The following CNTN4 variants were observed in gnomAD, a reference collection of about 807,000 sequenced individuals.
The protein encoded by CNTN4 is contactin-4.
In CNTN4, 77 loss-of-function variants were observed where a neutral mutation model predicts 122.5. The ratio of observed to expected loss-of-function variants is 0.63; its 90% confidence interval spans 0.52 to 0.76. The LOEUF is 0.76. CNTN4 is among the 30% of genes least tolerant of loss of function. The pLI, the probability that CNTN4 is intolerant of heterozygous loss-of-function variation, is 0.00. For missense variants in CNTN4, 1,256 were observed against 1,259.1 expected (o/e 1.00, Z 0.04); for synonymous variants, 512 against 447.0 (o/e 1.15, Z -1.83).
chr3:2,362,699 C>T (rs866274815), intron 3 of CNTN4: 12 of 348,468 alleles, frequency 3.4e-5, no homozygotes, highest in Admixed American at 3.1e-4. Context: ...ATGACCTGCA[C>T]ATTCACTTAC....
At chr3:2,398,915 C>T (rs979550646) in intron 3 of CNTN4, among the ~76,000 whole-genome samples, 2 of 152,084 alleles carry the variant, frequency 1.3e-5, no homozygotes, top group Non-Finnish European at 2.9e-5. Context: ...TATGGAGGCT[C>T]AGGCGTTTCC....
In CNTN4 at chr3:2,133,527, A is replaced by G. The variant is rs139292035; in HGVS notation, c.-145+32888A>G. Among the ~76,000 whole-genome samples the G allele has an allele frequency of 4.2e-3, 634 of 152,322 alleles. 2 individuals are homozygous for G. Among genetic ancestry groups the G allele is most frequent in the African/African-American group, 0.015 (604 of 41,578 alleles). The stretch of plus-strand genomic sequence containing the variant: ...CAAAAGAGTATAGTTCAAAGTTTCT[A>G]CAAAGCTTTTTGAAAGCTTTTCTTT... On this transcript the variant is annotated intron_variant, in intron 2 of 24. Transcript: ENST00000418658.
At chr3:2,399,338 A>G (rs1470024764) in intron 3 of CNTN4, among the ~76,000 whole-genome samples, 1 of 152,022 alleles carries the variant, frequency 6.6e-6, no homozygotes, top group Non-Finnish European at 1.5e-5. Flanking sequence ...AGTTTGAGCC[A>G]TTGTAACTTC....
chr3:3,033,058 G>A (rs531640870), intron 16 of CNTN4, among the ~76,000 whole-genome samples: 2 of 151,964 alleles, frequency 1.3e-5, no homozygotes, highest in African/African-American at 2.4e-5. Context: ...ATTTCCTATC[G>A]ATTTAATTCT....
chr3:2,636,924 G>GTTTTTTTTTTTTTTTTTTTTTTT (rs57301957), intron 4 of CNTN4, among the ~76,000 whole-genome samples: 1 of 98,576 alleles, frequency 1.0e-5, no homozygotes, highest in African/African-American at 3.8e-5. Flanking sequence ...TTCTTTCTTT[G>GTTTTTTTTTTTTTTTTTTTTTTT]TTTTTTTTTT....
intron 2 of CNTN4, among the ~76,000 whole-genome samples, chr3:2,191,286 G>C (rs999461009): frequency 6.7e-6 from 1 of 150,254 alleles, no homozygotes; most frequent in Non-Finnish European, 1.5e-5. Context: ...CCCAGACATA[G>C]AACTCAACTA....
intron 3 of CNTN4, among the ~76,000 whole-genome samples, chr3:2,566,340 C>G (rs2149459576): frequency 6.6e-6 from 1 of 152,316 alleles, no homozygotes. Flanking sequence ...GTTTCATAGC[C>G]TCTCATATTC....
intron 3 of CNTN4, among the ~76,000 whole-genome samples, chr3:2,356,692 T>A (rs949532888): frequency 2.0e-5 from 3 of 152,296 alleles, no homozygotes; most frequent in Admixed American, 1.3e-4. Flanking sequence ...GCCCAGTAGA[T>A]CTTAGCCTTA....
chr3:3,031,542 T>C (rs542419546), intron 16 of CNTN4, among the ~76,000 whole-genome samples: 3 of 152,042 alleles, frequency 2.0e-5, no homozygotes, highest in African/African-American at 7.2e-5. Flanking sequence ...TGAGATTCTC[T>C]TGAATATTAT....
At chr3:2,838,927 G>C (rs1158720858) in intron 7 of CNTN4, among the ~76,000 whole-genome samples, 2 of 152,162 alleles carry the variant, frequency 1.3e-5, no homozygotes. Flanking sequence ...CCAGAGAAAA[G>C]ACATCTGGCA....
chr3:2,223,049 G>A (rs779538733), intron 2 of CNTN4, among the ~76,000 whole-genome samples: 59 of 152,244 alleles, frequency 3.9e-4, no homozygotes, highest in Non-Finnish European at 6.3e-4. Flanking sequence ...CTTTGGATGC[G>A]AATTTTGGCT....
At position 2,647,710 on chromosome 3, in the gene CNTN4, A is replaced by G. The variant is rs116691061; in HGVS notation, c.55+76152A>G. On this transcript the variant is annotated intron_variant, in intron 4 of 24. Transcript: ENST00000418658. ...TTTACTTATCTGTAAAAGGGGACAT[A>G]TTTCCTCACAAACAGATGCAAACTA... 2.8e-3 allele frequency among the ~76,000 whole-genome samples: 423 copies of G among 152,268 alleles called. 1 individual carries two copies. Among genetic ancestry groups the G allele is most frequent in the African/African-American group, 9.6e-3 (400 of 41,546 alleles).
intron 3 of CNTN4, among the ~76,000 whole-genome samples, chr3:2,427,798 G>A (rs1444824687): frequency 6.6e-6 from 1 of 151,976 alleles, no homozygotes; most frequent in East Asian, 1.9e-4. Flanking sequence ...AGCTCTTCTT[G>A]TTGAATTGAT....
intron 2 of CNTN4, among the ~76,000 whole-genome samples, chr3:2,106,471 C>T (rs753434453): frequency 6.6e-6 from 1 of 152,214 alleles, no homozygotes; most frequent in African/African-American, 2.4e-5. Context: ...ACCCACAGGA[C>T]GAACACCATG....
chr3:2,593,600 A>G (rs760093135), intron 4 of CNTN4, among the ~76,000 whole-genome samples: 1 of 152,208 alleles, frequency 6.6e-6, no homozygotes, highest in African/African-American at 2.4e-5. Flanking sequence ...ATAGAAAGGA[A>G]TAAGTCATAT....
intron 2 of CNTN4, among the ~76,000 whole-genome samples, chr3:2,170,391 T>A (rs2036448798): frequency 6.6e-6 from 1 of 151,892 alleles, no homozygotes; most frequent in Non-Finnish European, 1.5e-5. Flanking sequence ...ACAAAAAAAT[T>A]AGAAGTAAAC....
At chr3:2,690,964 C>G (rs1423357819) in intron 4 of CNTN4, among the ~76,000 whole-genome samples, 1 of 152,094 alleles carries the variant, frequency 6.6e-6, no homozygotes, top group Non-Finnish European at 1.5e-5. Context: ...AGAAAGAGCC[C>G]GTCAATGCCC....
chr3:2,574,178 T>A (rs991902213), intron 4 of CNTN4, among the ~76,000 whole-genome samples: 1 of 152,176 alleles, frequency 6.6e-6, no homozygotes, highest in South Asian at 2.1e-4. Context: ...ATCACGCCAC[T>A]GCACTCCAGC....
intron 18 of CNTN4, 22 bp downstream of exon 18, chr3:3,037,350 G>C: frequency 1.2e-6 from 2 of 1,614,100 alleles, no homozygotes; most frequent in Non-Finnish European, 1.7e-6. Flanking sequence ...CCGAGATTCA[G>C]ATCATCTGTT....
Sources: gnomAD v4.1 joint callset for allele counts (sites outside exome capture counted in the v4.1 genomes callset) on GRCh38, gnomAD v4.1.1 for gene constraint, MANE v1.5 for transcripts, NCBI Gene and HGNC (gene_info 2026-07-23, HGNC 2026-07-21) for gene names.